PUM3: variants seen among roughly 807,000 people sequenced by gnomAD.
The protein encoded by PUM3 is pumilio homolog 3.
A neutral mutation model predicts 84.0 loss-of-function variants in PUM3; 91 were observed. The observed-to-expected ratio is 1.08, with a 90% CI of 0.91 to 1.29. The LOEUF (loss-of-function observed/expected upper bound fraction) is 1.29. Among genes scored for constraint, PUM3 ranks in the 50% most tolerant of loss-of-function variants. The probability of loss-of-function intolerance (pLI) is 0.00; values close to 1 mark genes in which losing one functional copy is unlikely to be tolerated. For missense variants in PUM3, 1,067 were observed against 767.5 expected (o/e 1.39, Z -4.61); for synonymous variants, 321 against 266.7 (o/e 1.20, Z -1.98).
intron 7 of PUM3, 32 bp from the exon 8 acceptor site, chr9:2,829,980 G>A: frequency 6.3e-7 from 1 of 1,575,422 alleles, no homozygotes; most frequent in Non-Finnish European, 8.7e-7. Flanking sequence ...AAAAATAAAT[G>A]ATAGAAGGAG....
At chr9:2,824,591 G>C in intron 11 of PUM3, 126 bp downstream of exon 11, 1 of 485,942 alleles carries the variant, frequency 2.1e-6, no homozygotes, top group Non-Finnish European at 3.3e-6. Flanking sequence ...ACAACTTTTG[G>C]AAGATAATGC....
chr9:2,812,451 C>A, intron 13 of PUM3, 89 bp from the exon 14 acceptor site: 1 of 878,024 alleles, frequency 1.1e-6, no homozygotes, highest in Admixed American at 2.8e-5. Context: ...TTGCCATTTA[C>A]TATGCTAAGC....
chr9:2,838,763 T>G (rs1397389101), intron 1 of PUM3, among the ~76,000 whole-genome samples: 1 of 152,222 alleles, frequency 6.6e-6, no homozygotes, highest in Non-Finnish European at 1.5e-5. Context: ...CAGTGTTTGA[T>G]ATCTCTGGAG....
chr9:2,819,407 A>G (rs773966431), intron 13 of PUM3, among the ~76,000 whole-genome samples: 1 of 152,234 alleles, frequency 6.6e-6, no homozygotes. Flanking sequence ...ACTGGACTAG[A>G]AGGAATTTCT....
chr9:2,835,412 C>A (rs1426017093), intron 3 of PUM3, among the ~76,000 whole-genome samples: 1 of 151,496 alleles, frequency 6.6e-6, no homozygotes, highest in Non-Finnish European at 1.5e-5. Flanking sequence ...AAAGTGAGAC[C>A]CTCAAAAAAG....
intron 5 of PUM3, among the ~76,000 whole-genome samples, chr9:2,832,107 C>T (rs1255669156): frequency 6.6e-6 from 1 of 152,104 alleles, no homozygotes; most frequent in African/African-American, 2.4e-5. Context: ...TTCTGAATTC[C>T]AACAAATCAG....
Position 2,829,791 on chromosome 9 carries a change from T to A in PUM3, c.835A>T (p.Thr279Ser). The change falls in exon 8 of 18, where the codon ACA becomes TCA. Residue 279 changes from threonine to serine, a missense_variant. Physicochemically the swap from Thr to Ser is moderately conservative, Grantham distance 58. Coordinates refer to ENST00000397885, the MANE Select transcript of PUM3 (RefSeq NM_014878.5). The part of the protein sequence containing the change: ...NMLTEELYGN[T>S]FQLYKSADHR... ...GATGTCACCTTGTAAAGCTGAAATG[T>A]GTTCCCATAGAGCTCTTCCGTCAGC... 3.1e-6 allele frequency: 5 copies of A among 1,612,200 alleles called. No individual in the cohort carries two copies. The South Asian group carries it at 5.5e-5, about 18-fold the overall frequency.
At chr9:2,814,730 A>G (rs943643556) in intron 13 of PUM3, among the ~76,000 whole-genome samples, 2 of 152,248 alleles carry the variant, frequency 1.3e-5, no homozygotes, top group African/African-American at 4.8e-5. Context: ...AAACAAAAAC[A>G]AAAACAAAAT....
At chr9:2,837,507 T>C (rs555105509) in intron 2 of PUM3, 106 bp from the exon 3 acceptor site, 1 of 689,172 alleles carries the variant, frequency 1.5e-6, no homozygotes, top group African/African-American at 1.8e-5. Flanking sequence ...CCCAATACCA[T>C]GTCTTACTCT....
At chr9:2,815,090 C>CT (rs1429531535) in intron 13 of PUM3, among the ~76,000 whole-genome samples, 2 of 152,162 alleles carry the variant, frequency 1.3e-5, no homozygotes, top group Non-Finnish European at 2.9e-5. Flanking sequence ...ATTCATTGAA[C>CT]TTTACTCCCT....
intron 13 of PUM3, among the ~76,000 whole-genome samples, chr9:2,817,252 C>G (rs762082987): frequency 6.6e-6 from 1 of 152,164 alleles, no homozygotes; most frequent in Non-Finnish European, 1.5e-5. Flanking sequence ...TAATAGAATA[C>G]TATTTGGCAG....
intron 17 of PUM3, among the ~76,000 whole-genome samples, chr9:2,805,626 C>G (rs1821242327): frequency 6.6e-6 from 1 of 152,148 alleles, no homozygotes; most frequent in African/African-American, 2.4e-5. Flanking sequence ...TTGTGACTCA[C>G]TAGGTGTTTT....
At chr9:2,810,310 G>T in intron 16 of PUM3, 34 bp downstream of exon 16, 2 of 1,348,642 alleles carry the variant, frequency 1.5e-6, no homozygotes, top group Non-Finnish European at 2.1e-6. Context: ...AATTCCACAT[G>T]AGATACAAGA....
chr9:2,820,742 T>C (rs967093507), intron 12 of PUM3, among the ~76,000 whole-genome samples: 11 of 152,156 alleles, frequency 7.2e-5, no homozygotes, highest in East Asian at 1.9e-4. Flanking sequence ...ATGAGAATGA[T>C]ATAAAAATCA....
chr9:2,808,313 C>T (rs1447813942), intron 16 of PUM3, among the ~76,000 whole-genome samples: 2 of 152,250 alleles, frequency 1.3e-5, no homozygotes, highest in Non-Finnish European at 2.9e-5. Context: ...AATGCTCACT[C>T]ACAAGGTGCC....
intron 9 of PUM3, 96 bp from the exon 10 acceptor site, chr9:2,827,247 A>ATTTCACTT: frequency 1.3e-6 from 1 of 780,296 alleles, no homozygotes. Context: ...AATCTAAACA[A>ATTTCACTT]GTGAAATGGT....
rs1164437860 is a variant in PUM3 at position 2,811,457 on chromosome 9, G to C, written c.1539C>G (p.Asp513Glu). 27 of 1,614,162 alleles carry C rather than the reference G, an allele frequency of 1.7e-5. No individual in the cohort carries two copies. The highest frequency in any genetic ancestry group is 2.3e-5 in the Non-Finnish European group (27 of 1,180,030). Residue 513 changes from aspartate to glutamate, a missense_variant, in exon 15 of 18, where the codon GAC becomes GAG. Asp to Glu is a conservative substitution (Grantham distance 45). Coordinates refer to ENST00000397885, the MANE Select transcript of PUM3 (RefSeq NM_014878.5). ...CGTCTCCAGTGGCAGATCCCAGAAT[G>C]TCAGACACCAACACACACGCAGACT... Reference protein sequence around the residue: ...LDKSACVLVSDILGSATGDVQ... With the variant: ...LDKSACVLVSEILGSATGDVQ...
chr9:2,825,206 CAA>C (rs1308631150), intron 10 of PUM3, among the ~76,000 whole-genome samples: 5 of 152,086 alleles, frequency 3.3e-5, no homozygotes, highest in African/African-American at 7.2e-5. Flanking sequence ...TGCTCTTCCC[CAA>C]AAGAGACCTG....
chr9:2,819,955 GCT>G, intron 13 of PUM3, 61 bp downstream of exon 13: 2 of 1,078,772 alleles, frequency 1.9e-6, no homozygotes, highest in Non-Finnish European at 2.8e-6. Context: ...GTGAAATCAA[GCT>G]TACACATCCA....
Sources: allele counts gnomAD v4.1 joint callset (sites outside exome capture counted in the v4.1 genomes callset), GRCh38; gene constraint gnomAD v4.1.1; transcripts MANE v1.5; gene names NCBI Gene and HGNC (gene_info 2026-07-23, HGNC 2026-07-21).